Variants in SCAPER observed in about 807,000 individuals in gnomAD.
The protein encoded by SCAPER is S-phase cyclin A associated protein in the ER, also known as S phase cyclin A-associated protein in the endoplasmic reticulum.
SCAPER carries 98 observed loss-of-function variants against 182.2 expected under a neutral mutation model. That is an observed-to-expected ratio of 0.54 (90% CI 0.46 to 0.64). The LOEUF (loss-of-function observed/expected upper bound fraction) is 0.64. SCAPER is among the 30% of genes least tolerant of loss of function. The pLI, the probability that SCAPER is intolerant of heterozygous loss-of-function variation, is 0.00. For missense variants in SCAPER, 1,432 were observed against 1,690.0 expected (o/e 0.85, Z 2.68); for synonymous variants, 605 against 564.6 (o/e 1.07, Z -1.01).
intron 24 of SCAPER, among the ~76,000 whole-genome samples, chr15:76,481,980 C>T (rs868273664): frequency 9.2e-5 from 14 of 152,086 alleles, no homozygotes; most frequent in African/African-American, 2.7e-4. Flanking sequence ...AAGTTGGATC[C>T]GGAGGCTTGA....
intron 27 of SCAPER, among the ~76,000 whole-genome samples, chr15:76,392,640 A>G (rs750782806): frequency 2.0e-5 from 3 of 152,118 alleles, no homozygotes; most frequent in African/African-American, 4.8e-5. Flanking sequence ...AGTCTCAGCT[A>G]CTTGGGAAGC....
chr15:76,808,273 C>A (rs929091317), intron 5 of SCAPER, among the ~76,000 whole-genome samples: 3 of 152,176 alleles, frequency 2.0e-5, no homozygotes, highest in Admixed American at 6.5e-5. Flanking sequence ...AACAACAGAC[C>A]TCCAGAAGCC....
At chr15:76,500,805 C>T (rs1047112504) in intron 24 of SCAPER, among the ~76,000 whole-genome samples, 2 of 151,720 alleles carry the variant, frequency 1.3e-5, no homozygotes, top group African/African-American at 4.8e-5. Context: ...TTGGGGAGGC[C>T]AAGGTGGGAG....
intron 27 of SCAPER, among the ~76,000 whole-genome samples, chr15:76,396,377 GA>G (rs1174782869): frequency 2.0e-5 from 3 of 152,228 alleles, no homozygotes; most frequent in African/African-American, 7.2e-5. Context: ...TCAATGTTTT[GA>G]TAAGGATTGC....
intron 22 of SCAPER, among the ~76,000 whole-genome samples, chr15:76,588,927 T>C (rs909994772): frequency 6.6e-6 from 1 of 152,190 alleles, no homozygotes; most frequent in African/African-American, 2.4e-5. Context: ...TTTTGTCCCA[T>C]GGGCTGTTCC....
chr15:76,381,468 C>T lies in SCAPER; in HGVS notation c.3615G>A (p.Lys1205=). The change falls in exon 28 of 32, where the codon AAG becomes AAA. Residue 1205 remains lysine, a synonymous_variant. Coordinates refer to ENST00000563290, the MANE Select transcript of SCAPER (RefSeq NM_020843.4). ...GGATGGTATTTTGAGTGTAATTCTC[C>T]TTGGGACTGGCAGTGCTGGGGTCCA... ...TILDPSTASP[K]ENYTQNTIQV... is the part of the protein sequence containing the mutation. 6.2e-7 allele frequency: 1 copy of T among 1,613,826 alleles called. No individual in the cohort carries two copies. Among genetic ancestry groups the T allele is most frequent in the Non-Finnish European group, 8.5e-7 (1 of 1,179,852 alleles).
At chr15:76,514,407 TAC>T (rs2042268008) in intron 23 of SCAPER, among the ~76,000 whole-genome samples, 1 of 152,192 alleles carries the variant, frequency 6.6e-6, no homozygotes, top group Admixed American at 6.5e-5. Flanking sequence ...CAATCTGAAT[TAC>T]ACAGTCAGGG....
chr15:76,672,754 G>A (rs909778316), intron 20 of SCAPER, among the ~76,000 whole-genome samples: 2 of 152,014 alleles, frequency 1.3e-5, no homozygotes, highest in African/African-American at 4.8e-5. Context: ...CAAAGCAAGA[G>A]AAAAGATCAA....
intron 23 of SCAPER, among the ~76,000 whole-genome samples, chr15:76,564,874 C>A (rs1318343174): frequency 1.3e-5 from 2 of 152,104 alleles, no homozygotes; most frequent in Admixed American, 6.6e-5. Flanking sequence ...CACACACCTA[C>A]AACTATCTGA....
chr15:76,703,610 C>G (rs1193506298), intron 18 of SCAPER, among the ~76,000 whole-genome samples: 1 of 152,098 alleles, frequency 6.6e-6, no homozygotes, highest in Non-Finnish European at 1.5e-5. Context: ...CCTACCTATC[C>G]ATTTTACTCA....
chr15:76,877,230 A>G (rs2073237218), intron 2 of SCAPER, among the ~76,000 whole-genome samples: 1 of 152,052 alleles, frequency 6.6e-6, no homozygotes, highest in Admixed American at 6.6e-5. Context: ...AAAAAATCCA[A>G]GAGCCAGCTT....
intron 15 of SCAPER, among the ~76,000 whole-genome samples, chr15:76,746,051 T>A (rs954399388): frequency 7.2e-5 from 11 of 152,272 alleles, no homozygotes; most frequent in Admixed American, 2.0e-4. Context: ...AATATCTAAA[T>A]TCAATTAATG....
chr15:76,378,410 C>A (rs2042713890), intron 28 of SCAPER, among the ~76,000 whole-genome samples: 1 of 152,166 alleles, frequency 6.6e-6, no homozygotes, highest in Non-Finnish European at 1.5e-5. Context: ...ATCCTAAAAT[C>A]TCACTTTTGA....
intron 21 of SCAPER, among the ~76,000 whole-genome samples, chr15:76,645,457 G>T (rs1368160175): frequency 6.6e-6 from 1 of 151,204 alleles, no homozygotes; most frequent in Non-Finnish European, 1.5e-5. Context: ...CTTGCATTTT[G>T]CTCATAATCA....
At chr15:76,649,016 A>G (rs1300277106) in intron 21 of SCAPER, among the ~76,000 whole-genome samples, 1 of 152,184 alleles carries the variant, frequency 6.6e-6, no homozygotes, top group Non-Finnish European at 1.5e-5. Context: ...TGTAAATCAG[A>G]CACCGCCTCC....
intron 5 of SCAPER, 63 bp downstream of exon 5, chr15:76,841,671 C>A: frequency 2.0e-6 from 3 of 1,525,904 alleles, no homozygotes; most frequent in Non-Finnish European, 1.8e-6. Flanking sequence ...GATCAAGTCA[C>A]ATGTAGCAAA....
intron 23 of SCAPER, among the ~76,000 whole-genome samples, chr15:76,565,146 G>A (rs1280961814): frequency 1.3e-5 from 2 of 151,984 alleles, no homozygotes; most frequent in African/African-American, 4.8e-5. Context: ...TGCAACAAAA[G>A]CAAAAACTAA....
At chr15:76,902,094 C>T (rs1288446673) in intron 1 of SCAPER, among the ~76,000 whole-genome samples, 1 of 152,152 alleles carries the variant, frequency 6.6e-6, no homozygotes, top group Non-Finnish European at 1.5e-5. Context: ...AGACCCATAG[C>T]CAATCAGTGA....
intron 23 of SCAPER, among the ~76,000 whole-genome samples, chr15:76,544,780 A>G (rs1411923222): frequency 6.6e-6 from 1 of 152,138 alleles, no homozygotes; most frequent in African/African-American, 2.4e-5. Context: ...CCAAAAAACA[A>G]AAATTGGATA....
Sources: allele counts gnomAD v4.1 joint callset (sites outside exome capture counted in the v4.1 genomes callset), GRCh38; gene constraint gnomAD v4.1.1; transcripts MANE v1.5; gene names NCBI Gene and HGNC (gene_info 2026-07-23, HGNC 2026-07-21).